The following LHX6 variants were observed in gnomAD, a reference collection of about 807,000 sequenced individuals.
LHX6 encodes LIM homeobox 6, also known as LIM/homeobox protein Lhx6.
LHX6 carries 15 observed loss-of-function variants against 47.1 expected under a neutral mutation model. The ratio of observed to expected loss-of-function variants is 0.32; its 90% CI spans 0.21 to 0.49. The LOEUF (loss-of-function observed/expected upper bound fraction) is 0.49. LHX6 is among the 20% of genes least tolerant of loss of function. The pLI, the probability that LHX6 is intolerant of heterozygous loss-of-function variation, is 0.99. For missense variants in LHX6, 404 were observed against 539.6 expected (o/e 0.75, Z 2.49); for synonymous variants, 242 against 233.5 (o/e 1.04, Z -0.33).
At chr9:122,221,209 G>T in intron 4 of LHX6, 2 of 984,678 alleles carry the variant, frequency 2.0e-6, no homozygotes, top group Non-Finnish European at 2.4e-6. Context: ...AACCCGTAGG[G>T]GAAGAAGCCA....
chr9:122,212,758 C>T (rs1830443786), intron 8 of LHX6, among the ~76,000 whole-genome samples: 1 of 152,204 alleles, frequency 6.6e-6, no homozygotes, highest in South Asian at 2.1e-4. Context: ...CCTGCTCCCT[C>T]CCTGTTACTT....
At chr9:122,224,026 T>A (rs1417655711) in intron 4 of LHX6, among the ~76,000 whole-genome samples, 1 of 151,844 alleles carries the variant, frequency 6.6e-6, no homozygotes, top group African/African-American at 2.4e-5. Flanking sequence ...TTTTTTTGTA[T>A]GTTTGTTTGT....
At chr9:122,215,520 T>C (rs544623594) in intron 5 of LHX6, among the ~76,000 whole-genome samples, 4 of 152,318 alleles carry the variant, frequency 2.6e-5, no homozygotes, top group African/African-American at 7.2e-5. Context: ...TAGGATGTAA[T>C]TGGCAAGGTT....
intron 9 of LHX6, among the ~76,000 whole-genome samples, chr9:122,205,929 A>C: frequency 6.8e-6 from 1 of 147,014 alleles, no homozygotes; most frequent in East Asian, 2.3e-4. Flanking sequence ...CAGAGTGGCC[A>C]GGGTGGGCAT....
In LHX6 at chr9:122,217,552, G is replaced by T. The variant is rs565008315; in HGVS notation, c.462-264C>A. Among the ~76,000 whole-genome samples, 3 of 152,126 alleles carry T rather than the reference G, an allele frequency of 2.0e-5. No individual in the cohort carries two copies. Among genetic ancestry groups the T allele is most frequent in the African/African-American group, 7.2e-5 (3 of 41,402 alleles). Reference sequence around the variant, plus strand: ...GTCACTTATATTTGCATATTAATTTGTTTGTTAAAAATACATCACAAGTTA... The same window carrying T: ...GTCACTTATATTTGCATATTAATTTTTTTGTTAAAAATACATCACAAGTTA... On this transcript the variant is annotated intron_variant, in intron 4 of 9. Transcript: ENST00000394319. This position sits in a 1 kb window ranked among gnomAD's most constrained non-coding sequence, Gnocchi z 4.9.
chr9:122,214,189 G>A lies in LHX6; in HGVS notation c.783+94C>T, dbSNP rs1237178383. On this transcript the variant is annotated intron_variant, in intron 6 of 9. Coordinates refer to ENST00000394319, the MANE Select transcript of LHX6 (RefSeq NM_014368.5). This position sits in a 1 kb window ranked among gnomAD's most constrained non-coding sequence, Gnocchi z 4.6. ...AGCTGCGGCCCCGCCCCGCCACCCGGGTCCGGCCCGAGGGGCGGAGCCAGG... is the reference window on the plus strand; with the variant it reads ...AGCTGCGGCCCCGCCCCGCCACCCGAGTCCGGCCCGAGGGGCGGAGCCAGG... 2.6e-5 allele frequency: 35 copies of A among 1,331,474 alleles called. 1 individual carries two copies. The highest frequency in any genetic ancestry group is 4.8e-5 in the Admixed American group (2 of 41,710). 82.5% of individuals were successfully genotyped at this position (1,331,474 alleles called of 1,614,324 possible).
chr9:122,217,700 G>A lies in LHX6; in HGVS notation c.462-412C>T, dbSNP rs1830648662. On this transcript the variant is annotated intron_variant, in intron 4 of 9. Coordinates refer to ENST00000394319, the MANE Select transcript of LHX6 (RefSeq NM_014368.5). This position sits in a 1 kb window ranked among gnomAD's most constrained non-coding sequence, Gnocchi z 4.9. ...CCTCATTTTGCAGGTGAGGAAAATG[G>A]GGACTAGAGAGGTAAAGTAACTTGC... 6.6e-6 allele frequency among the ~76,000 whole-genome samples: 1 copy of A among 152,152 alleles called. No individual in the cohort carries two copies. The highest frequency in any genetic ancestry group is 1.5e-5 in the Non-Finnish European group (1 of 68,032).
chr9:122,222,851 C>T (rs896987344), intron 4 of LHX6, among the ~76,000 whole-genome samples: 1 of 152,196 alleles, frequency 6.6e-6, no homozygotes, highest in Non-Finnish European at 1.5e-5. Context: ...GGGGCCTTGG[C>T]CACTCCCTTC....
At chr9:122,208,118 C>A (rs1830254551) in intron 9 of LHX6, among the ~76,000 whole-genome samples, 1 of 152,166 alleles carries the variant, frequency 6.6e-6, no homozygotes, top group Non-Finnish European at 1.5e-5. Flanking sequence ...CAGGACCCCA[C>A]ACTGCCGCAG....
rs765697742 is a variant in LHX6 at position 122,217,046 on chromosome 9, C to A, written c.682+22G>T. 7 of 1,604,316 alleles carry A rather than the reference C, an allele frequency of 4.4e-6. No individual in the cohort carries two copies. In the African/African-American group the frequency reaches 8.0e-5, roughly 18 times the overall value. ...TGGGAAAGGGCTGGGGGCAGAGGTG[C>A]CAGGCGGAGCAGGTTGGGTACCGTT... is the stretch of plus-strand genomic sequence containing the variant. On this transcript the variant is annotated intron_variant, in intron 5 of 9. Coordinates refer to ENST00000394319, the MANE Select transcript of LHX6 (RefSeq NM_014368.5). The surrounding 1 kb of genome is among the most constrained non-coding windows in gnomAD (Gnocchi z 4.9).
At chr9:122,218,887 C>T (rs1588351309) in intron 4 of LHX6, among the ~76,000 whole-genome samples, 2 of 152,118 alleles carry the variant, frequency 1.3e-5, no homozygotes, top group African/African-American at 4.8e-5. Context: ...CCCCAGAGTC[C>T]CACGGCACCC....
chr9:122,219,406 G>C (rs943093745), intron 4 of LHX6, among the ~76,000 whole-genome samples: 1 of 152,178 alleles, frequency 6.6e-6, no homozygotes, highest in Admixed American at 6.5e-5. Flanking sequence ...CCAGACCACG[G>C]TCTCTGTTCC....
In LHX6 at chr9:122,217,268, G is replaced by A. The variant is rs1340343102; in HGVS notation, c.482C>T (p.Ala161Val). ...DYFSRFGTKC[A>V]RCGRQIYASD... ...GGCGTAGATCTGTCGGCCGCACCGGGCACACTTGGTCCCGAATCGGCTGCA... is the reference window on the plus strand; with the variant it reads ...GGCGTAGATCTGTCGGCCGCACCGGACACACTTGGTCCCGAATCGGCTGCA... Residue 161 changes from alanine to valine, a missense_variant, in exon 5 of 10, where the codon GCC becomes GTC. Transcript: ENST00000394319. The surrounding 1 kb of genome is among the most constrained non-coding windows in gnomAD (Gnocchi z 4.9). 6.2e-7 allele frequency: 1 copy of A among 1,612,552 alleles called. No individual in the cohort carries two copies. The highest frequency in any genetic ancestry group is 2.2e-5 in the East Asian group (1 of 44,886).
In LHX6 at chr9:122,226,573, T is replaced by A. The variant is rs1320281571; in HGVS notation, c.340-76A>T. ...CCGGGCCCCAGCCTTCCCGGTCTCA[T>A]TTACAGTCAGAGGCGCTGAAGCTCA... On this transcript the variant is annotated intron_variant, in intron 3 of 9. Coordinates refer to ENST00000394319, the MANE Select transcript of LHX6 (RefSeq NM_014368.5). The surrounding 1 kb of genome is among the most constrained non-coding windows in gnomAD (Gnocchi z 6.5). 32 of 1,559,696 alleles carry A rather than the reference T, an allele frequency of 2.1e-5. No homozygotes were observed. The highest frequency in any genetic ancestry group is 2.7e-5 in the Non-Finnish European group (31 of 1,159,068).
At position 122,213,961 on chromosome 9, in the gene LHX6, A is replaced by G; in HGVS notation, c.879+13T>C. On this transcript the variant is annotated intron_variant, in intron 7 of 9. Transcript: ENST00000394319. This position sits in a 1 kb window ranked among gnomAD's most constrained non-coding sequence, Gnocchi z 5.5. Reference sequence around the variant, plus strand: ...TGCCCGCGGTCCCCAGGCCCCGCCCACCCCCGTCCCACCTGGATGACTCTC... The same window carrying G: ...TGCCCGCGGTCCCCAGGCCCCGCCCGCCCCCGTCCCACCTGGATGACTCTC... 1.5e-6 allele frequency: 1 copy of G among 686,866 alleles called. No homozygotes were observed. The highest frequency in any genetic ancestry group is 2.3e-6 in the Non-Finnish European group (1 of 432,018). 42.5% of individuals were successfully genotyped at this position (686,866 alleles called of 1,614,324 possible).
At position 122,209,624 on chromosome 9, in the gene LHX6, C is replaced by G. The variant is rs774135453; in HGVS notation, c.1148G>C (p.Arg383Pro). The G allele has an allele frequency of 1.2e-6, 2 of 1,609,088 alleles. No homozygotes were observed. Among genetic ancestry groups the G allele is most frequent in the East Asian group, 2.2e-5 (1 of 44,842 alleles). The change falls in exon 9 of 10, where the codon CGG becomes CCG. Residue 383 changes from arginine to proline, a missense_variant. This residue lies in a region of LHX6 where 127 missense variants were observed against 116.1 expected (regional missense o/e 1.09). Transcript: ENST00000394319. The stretch of plus-strand genomic sequence containing the variant: ...CCTGGCTCCATTTACCTTCTCACCC[C>G]GGTTGGAGAGCGGCCCATCCATATC... ...KADMDGPLSNRGEKVILFQY is the reference protein window; with the variant it reads ...KADMDGPLSNPGEKVILFQY
At position 122,213,711 on chromosome 9, in the gene LHX6, C is replaced by A. The variant is rs1353732780; in HGVS notation, c.949G>T (p.Ala317Ser). Residue 317 changes from alanine (A) to serine (S), a missense_variant, in exon 8 of 10, where the codon GCG becomes TCG. Around this residue, in one of 7 missense-constraint regions of LHX6, gnomAD observed 127 missense variants for 116.1 expected, o/e 1.09. Transcript: ENST00000394319. The surrounding 1 kb of genome is among the most constrained non-coding windows in gnomAD (Gnocchi z 5.5). The part of the protein sequence containing the change: ...TPQHPVPPSG[A>S]PPSRLPSALS... Reference sequence around the variant, plus strand: ...GCGGAGGGAAGGCGGGACGGGGGCGCCCCCGAGGGCGGCACTGGGTGTTGC... The same window carrying A: ...GCGGAGGGAAGGCGGGACGGGGGCGACCCCGAGGGCGGCACTGGGTGTTGC... 1.2e-6 allele frequency: 2 copies of A among 1,612,088 alleles called. No homozygotes were observed. Among genetic ancestry groups the A allele is most frequent in the Non-Finnish European group, 1.7e-6 (2 of 1,179,508 alleles).
chr9:122,214,314 G>A lies in LHX6; in HGVS notation c.752C>T (p.Ala251Val). Reference protein sequence around the residue: ...QDSQPKPAKRARTSFTAEQLQ... With the variant: ...QDSQPKPAKRVRTSFTAEQLQ... ...CTGTTCCGCGGTGAAGGACGTCCGC[G>A]CGCGCTTGGCCGGCTTGGGTTGACT... Residue 251 changes from alanine (A) to valine (V), a missense_variant, in exon 6 of 10, where the codon GCG becomes GTG. Around this residue, in one of 7 missense-constraint regions of LHX6, gnomAD observed 43 missense variants for 84.7 expected, o/e 0.51. Coordinates refer to ENST00000394319, the MANE Select transcript of LHX6 (RefSeq NM_014368.5). The surrounding 1 kb of genome is among the most constrained non-coding windows in gnomAD (Gnocchi z 4.6). The A allele has an allele frequency of 6.3e-7, 1 of 1,599,580 alleles. No homozygotes were observed. Among genetic ancestry groups the A allele is most frequent in the Non-Finnish European group, 8.5e-7 (1 of 1,175,502 alleles).
chr9:122,209,621 C>T lies in LHX6; in HGVS notation c.1151G>A (p.Gly384Asp). 1 of 1,611,028 alleles carries T rather than the reference C, an allele frequency of 6.2e-7. No homozygotes were observed. Among genetic ancestry groups the T allele is most frequent in the Non-Finnish European group, 8.5e-7 (1 of 1,177,186 alleles). ...CAACCTGGCTCCATTTACCTTCTCA[C>T]CCCGGTTGGAGAGCGGCCCATCCAT... ...ADMDGPLSNR[G>D]EKVILFQY Residue 384 changes from glycine to aspartate, a missense_variant, in exon 9 of 10, where the codon GGT becomes GAT. Around this residue, in one of 7 missense-constraint regions of LHX6, gnomAD observed 127 missense variants for 116.1 expected, o/e 1.09. Coordinates refer to ENST00000394319, the MANE Select transcript of LHX6 (RefSeq NM_014368.5).
Sources: gnomAD v4.1 joint callset for allele counts (sites outside exome capture counted in the v4.1 genomes callset) on GRCh38, gnomAD v4.1.1 for gene constraint, gnomAD v4.1.1 regional missense constraint, Gnocchi (gnomAD v3.1) non-coding constraint, MANE v1.5 for transcripts, NCBI Gene and HGNC (gene_info 2026-07-23, HGNC 2026-07-21) for gene names.